The following SNX29 variants were observed in gnomAD, a reference collection of about 807,000 sequenced individuals.
SNX29 encodes the protein sorting nexin-29.
SNX29 carries 78 observed loss-of-function variants against 102.1 expected under a neutral mutation model. The observed-to-expected ratio is 0.76, with a 90% CI of 0.64 to 0.92. The LOEUF (loss-of-function observed/expected upper bound fraction) is 0.92. Among genes scored for constraint, SNX29 ranks in the 40% least tolerant of loss-of-function variants. SNX29 has a pLI of 0.00. For missense variants in SNX29, 1,280 were observed against 1,061.7 expected, an observed-to-expected ratio of 1.21 and a Z score of -2.86; for synonymous variants, 580 against 414.5, an observed-to-expected ratio of 1.40 and a Z score of -4.85.
chr16:12,067,004 TA>T (rs1229534846), intron 9 of SNX29, among the ~76,000 whole-genome samples: 1 of 148,864 alleles, frequency 6.7e-6, no homozygotes, highest in African/African-American at 2.5e-5. Flanking sequence ...AATAAATAAA[TA>T]AATAAATAAA....
At chr16:12,156,128 C>G (rs906635435) in intron 13 of SNX29, among the ~76,000 whole-genome samples, 1 of 152,260 alleles carries the variant, frequency 6.6e-6, no homozygotes, top group African/African-American at 2.4e-5. Flanking sequence ...CCAAGACCCT[C>G]TTCCCCCAGA....
At chr16:12,559,876 G>A (rs941946785) in intron 20 of SNX29, among the ~76,000 whole-genome samples, 1 of 152,160 alleles carries the variant, frequency 6.6e-6, no homozygotes, top group Non-Finnish European at 1.5e-5. Context: ...AGATTTCAGA[G>A]GCTGAGGCAG....
intron 4 of SNX29, 79 bp downstream of exon 4, chr16:12,027,523 G>A: frequency 6.4e-7 from 1 of 1,554,618 alleles, no homozygotes; most frequent in Non-Finnish European, 8.7e-7. Flanking sequence ...TTTTAATAGT[G>A]GGCAGGGCAG....
At chr16:12,239,071 A>G (rs1419172347) in intron 14 of SNX29, among the ~76,000 whole-genome samples, 8 of 152,232 alleles carry the variant, frequency 5.3e-5, no homozygotes, top group Non-Finnish European at 4.4e-5. Flanking sequence ...GCCAGAACTT[A>G]GTCGGTGGCA....
chr16:12,168,760 C>T (rs762816708), intron 13 of SNX29, among the ~76,000 whole-genome samples: 3 of 152,198 alleles, frequency 2.0e-5, no homozygotes, highest in Non-Finnish European at 2.9e-5. Context: ...ATTATTAGAT[C>T]GTTACATAAA....
chr16:12,565,071 A>C (rs1189850871), intron 20 of SNX29, among the ~76,000 whole-genome samples: 1 of 152,060 alleles, frequency 6.6e-6, no homozygotes, highest in Non-Finnish European at 1.5e-5. Flanking sequence ...AAAGGGGCCC[A>C]GTGGGGACAC....
chr16:12,107,978 G>T (rs1020640608), intron 11 of SNX29, among the ~76,000 whole-genome samples: 26 of 152,082 alleles, frequency 1.7e-4, no homozygotes, highest in African/African-American at 6.3e-4. Flanking sequence ...ATTGACGGTA[G>T]TGGAATGAGA....
In SNX29 at chr16:12,123,665, C is replaced by G. The variant is rs574162153; in HGVS notation, c.1403-2968C>G. Among the ~76,000 whole-genome samples the G allele has an allele frequency of 3.3e-5, 5 of 152,264 alleles. No individual in the cohort carries two copies. The South Asian group carries it at 1.0e-3, about 32-fold the overall frequency. The stretch of plus-strand genomic sequence containing the variant: ...TCCTGTGTGGGTACAGCCAGCGGCC[C>G]CAACTGATTGGCACAGTGTCACAGC... On this transcript the variant is annotated intron_variant, in intron 11 of 20. Coordinates refer to ENST00000566228, the MANE Select transcript of SNX29 (RefSeq NM_032167.5).
chr16:12,235,089 T>C (rs901754027), intron 14 of SNX29, among the ~76,000 whole-genome samples: 2 of 152,204 alleles, frequency 1.3e-5, no homozygotes, highest in Admixed American at 6.5e-5. Flanking sequence ...ATTCTGTCCC[T>C]CTGTGTCTTT....
At chr16:12,551,238 C>T (rs867033383) in intron 20 of SNX29, among the ~76,000 whole-genome samples, 32 of 152,240 alleles carry the variant, frequency 2.1e-4, no homozygotes, top group South Asian at 4.2e-4. Context: ...CTTCTGAGGA[C>T]AGTCTAAAAA....
intron 18 of SNX29, among the ~76,000 whole-genome samples, chr16:12,417,027 G>A (rs1196123007): frequency 2.0e-5 from 3 of 152,232 alleles, no homozygotes; most frequent in African/African-American, 7.2e-5. Flanking sequence ...CAGGCACTGC[G>A]CCTAGTGAGA....
chr16:12,114,385 A>C (rs8051768), intron 11 of SNX29, among the ~76,000 whole-genome samples: 1 of 151,886 alleles, frequency 6.6e-6, no homozygotes, highest in East Asian at 1.9e-4. Context: ...CTTTGCCCCA[A>C]TCCTGTTGAG....
chr16:12,367,897 T>G (rs532312339), intron 16 of SNX29, among the ~76,000 whole-genome samples: 4 of 152,350 alleles, frequency 2.6e-5, no homozygotes, highest in Non-Finnish European at 4.4e-5. Context: ...CTCAGAAATA[T>G]TAGCCTTTGA....
intron 14 of SNX29, among the ~76,000 whole-genome samples, chr16:12,226,217 C>T (rs1228186715): frequency 6.6e-6 from 1 of 152,140 alleles, no homozygotes; most frequent in African/African-American, 2.4e-5. Flanking sequence ...CAGAATAAAT[C>T]GAATTAATAT....
chr16:12,547,322 G>T (rs2077668966), intron 20 of SNX29, among the ~76,000 whole-genome samples: 1 of 152,212 alleles, frequency 6.6e-6, no homozygotes, highest in East Asian at 1.9e-4. Flanking sequence ...CCCAGGAACA[G>T]AGAGGCCTTG....
intron 14 of SNX29, among the ~76,000 whole-genome samples, chr16:12,213,826 G>A (rs1242245728): frequency 2.0e-5 from 3 of 152,170 alleles, no homozygotes; most frequent in Admixed American, 1.3e-4. Context: ...ACCCCAAATT[G>A]CAAGGTGGGC....
rs759615730 is a variant in SNX29 at position 12,052,167 on chromosome 16, G to C, written c.1069G>C (p.Val357Leu). 177 of 1,613,806 alleles carry C rather than the reference G, an allele frequency of 1.1e-4. No individual in the cohort carries two copies. Among genetic ancestry groups the C allele is most frequent in the Non-Finnish European group, 1.4e-4 (168 of 1,179,874 alleles). Residue 357 changes from valine (V) to leucine (L), a missense_variant, in exon 8 of 21, where the codon GTG (valine) becomes CTG (leucine). Val to Leu is a conservative substitution (Grantham distance 32). Transcript: ENST00000566228. Reference protein sequence around the residue: ...DEDVDENEDDVYGNSSGRKHR... With the variant: ...DEDVDENEDDLYGNSSGRKHR... ...AGATGTGGATGAAAACGAAGATGAC[G>C]TGTATGGAAACTCATCAGGAAGGAA...
At chr16:12,392,283 T>C (rs546693320) in intron 16 of SNX29, among the ~76,000 whole-genome samples, 1 of 152,366 alleles carries the variant, frequency 6.6e-6, no homozygotes, top group Non-Finnish European at 1.5e-5. Context: ...AGGCTTTTAT[T>C]ACCCTAAGTG....
intron 1 of SNX29, among the ~76,000 whole-genome samples, chr16:11,983,869 G>T (rs1329953505): frequency 6.6e-6 from 1 of 152,202 alleles, no homozygotes; most frequent in South Asian, 2.1e-4. Flanking sequence ...TATATTTGCA[G>T]TGGGGGTGAT....
Sources: gnomAD v4.1 joint callset for allele counts (sites outside exome capture counted in the v4.1 genomes callset) on GRCh38, gnomAD v4.1.1 for gene constraint, MANE v1.5 for transcripts, NCBI Gene and HGNC (gene_info 2026-07-23, HGNC 2026-07-21) for gene names.